The following PRKCE variants were observed in gnomAD, a reference collection of about 807,000 sequenced individuals.
PRKCE encodes protein kinase C epsilon.
In PRKCE, 16 loss-of-function variants were observed where a neutral mutation model predicts 85.4. That is an observed-to-expected ratio of 0.19 (90% confidence interval 0.13 to 0.28). PRKCE has a LOEUF of 0.28. Among genes scored for constraint, PRKCE ranks in the 10% least tolerant of loss-of-function variants. The pLI is 1.00. For synonymous variants in PRKCE, 388 were observed against 371.5 expected (o/e 1.04, Z -0.51); for missense variants, 573 against 975.2 (o/e 0.59, Z 5.49).
intron 2 of PRKCE, among the ~76,000 whole-genome samples, chr2:45,892,172 A>G (rs1372434457): frequency 6.6e-6 from 1 of 152,160 alleles, no homozygotes; most frequent in Non-Finnish European, 1.5e-5. Flanking sequence ...CTCTCTGCCC[A>G]ACAAAATCTG....
chr2:46,064,384 T>C (rs1395664069), intron 10 of PRKCE, among the ~76,000 whole-genome samples: 1 of 152,150 alleles, frequency 6.6e-6, no homozygotes, highest in Non-Finnish European at 1.5e-5. Context: ...CAAATGAAGT[T>C]CATATGAATT....
Position 46,074,172 on chromosome 2 carries a change from C to T in PRKCE, c.1438-12036C>T, listed in dbSNP as rs113140346. ...CTTATCTTTAAAACAGTCACAAGAA[C>T]TTTGCATATTCTTAGGAAAGAAAAG... On this transcript the variant is annotated intron_variant, in intron 10 of 14. Coordinates refer to ENST00000306156, the MANE Select transcript of PRKCE (RefSeq NM_005400.3). 8.7e-3 allele frequency among the ~76,000 whole-genome samples: 1,331 copies of T among 152,174 alleles called. 21 individuals are homozygous for T. Among genetic ancestry groups the T allele is most frequent in the African/African-American group, 0.031 (1,300 of 41,518 alleles).
chr2:45,952,334 A>G (rs1254640021), intron 2 of PRKCE, among the ~76,000 whole-genome samples: 1 of 152,222 alleles, frequency 6.6e-6, no homozygotes, highest in Non-Finnish European at 1.5e-5. Context: ...TGGGCCTCGC[A>G]AGCGTACATA....
intron 11 of PRKCE, among the ~76,000 whole-genome samples, chr2:46,087,736 C>A (rs919738297): frequency 3.9e-5 from 6 of 152,232 alleles, no homozygotes; most frequent in African/African-American, 1.2e-4. Context: ...TACCTACATG[C>A]CCTGGTCAGT....
intron 10 of PRKCE, among the ~76,000 whole-genome samples, chr2:46,048,573 G>T (rs1023867017): frequency 6.6e-6 from 1 of 152,172 alleles, no homozygotes; most frequent in Non-Finnish European, 1.5e-5. Context: ...CCCAGTGTCG[G>T]GGTCTGTCCA....
chr2:45,729,407 C>T (rs1362453434), intron 1 of PRKCE, among the ~76,000 whole-genome samples: 1 of 152,166 alleles, frequency 6.6e-6, no homozygotes, highest in Non-Finnish European at 1.5e-5. Context: ...TCCTAATACG[C>T]TTATGAGACA....
chr2:45,836,697 G>A (rs1231546509), intron 1 of PRKCE, among the ~76,000 whole-genome samples: 2 of 152,146 alleles, frequency 1.3e-5, no homozygotes, highest in Admixed American at 6.5e-5. Context: ...CCAGTCTTCT[G>A]TCCTGATGGT....
At chr2:45,831,533 G>GT (rs34375231) in intron 1 of PRKCE, among the ~76,000 whole-genome samples, 19,271 of 152,130 alleles carry the variant, frequency 0.13, 2,354 homozygotes, top group African/African-American at 0.31. Flanking sequence ...AGGTGTGTGA[G>GT]TTTTTTTGTA....
chr2:46,151,522 G>C (rs146443744), intron 13 of PRKCE, among the ~76,000 whole-genome samples: 95 of 152,338 alleles, frequency 6.2e-4, no homozygotes, highest in Non-Finnish European at 1.1e-3. Context: ...ATGAGGCACT[G>C]TGTACATCTG....
At chr2:45,700,188 C>T (rs77459247) in intron 1 of PRKCE, among the ~76,000 whole-genome samples, 3,529 of 146,380 alleles carry the variant, frequency 0.024, 126 homozygotes, top group African/African-American at 0.082. Context: ...GCCAGGGTCT[C>T]GGTGGAGAGG....
chr2:45,725,306 C>G (rs575913912), intron 1 of PRKCE, among the ~76,000 whole-genome samples: 6 of 152,282 alleles, frequency 3.9e-5, no homozygotes, highest in African/African-American at 1.2e-4. Context: ...TGTTACTGTT[C>G]ATTGACAGTG....
intron 10 of PRKCE, among the ~76,000 whole-genome samples, chr2:46,031,295 C>T (rs189729712): frequency 3.7e-4 from 56 of 152,244 alleles, no homozygotes; most frequent in African/African-American, 1.3e-3. Flanking sequence ...TCTCACTGCC[C>T]GCTTTCTGGA....
At chr2:45,979,715 G>A (rs764577570) in intron 4 of PRKCE, among the ~76,000 whole-genome samples, 2 of 152,118 alleles carry the variant, frequency 1.3e-5, no homozygotes, top group South Asian at 2.1e-4. Flanking sequence ...GGGGTAACAC[G>A]CACACAGTTA....
At position 45,747,575 on chromosome 2, in the gene PRKCE, T is replaced by C. The variant is rs956252476; in HGVS notation, c.348+95127T>C. Among the ~76,000 whole-genome samples the C allele has an allele frequency of 3.9e-5, 6 of 152,262 alleles. No homozygotes were observed. The East Asian group carries it at 9.6e-4, about 24-fold the overall frequency. On this transcript the variant is annotated intron_variant, in intron 1 of 14. Coordinates refer to ENST00000306156, the MANE Select transcript of PRKCE (RefSeq NM_005400.3). ...TTTAAGGCTGAGTAATATTCCATTG[T>C]ATGGACATACCACATGTGGTTTTTC...
chr2:45,880,788 C>T (rs1694822676), intron 2 of PRKCE, among the ~76,000 whole-genome samples: 1 of 152,176 alleles, frequency 6.6e-6, no homozygotes, highest in Admixed American at 6.5e-5. Context: ...AGAAACACTA[C>T]TTGTCACTTT....
intron 2 of PRKCE, among the ~76,000 whole-genome samples, chr2:45,879,699 G>T (rs1694742347): frequency 1.3e-5 from 2 of 152,244 alleles, no homozygotes; most frequent in Admixed American, 6.5e-5. Context: ...GGAGTTGAGA[G>T]CTGTGGGCTG....
intron 11 of PRKCE, among the ~76,000 whole-genome samples, chr2:46,111,859 T>A (rs1672286921): frequency 6.6e-6 from 1 of 152,184 alleles, no homozygotes; most frequent in African/African-American, 2.4e-5. Flanking sequence ...AAGTAGTGAC[T>A]CCATGTTTAA....
At chr2:45,717,568 G>T (rs992791403) in intron 1 of PRKCE, among the ~76,000 whole-genome samples, 2 of 152,198 alleles carry the variant, frequency 1.3e-5, no homozygotes, top group African/African-American at 2.4e-5. Flanking sequence ...TTCCTTCTAA[G>T]TTCTGTAATC....
At position 45,980,282 on chromosome 2, in the gene PRKCE, T is replaced by C; in HGVS notation, c.608-14T>C. On this transcript the variant is annotated splice_polypyrimidine_tract_variant and intron_variant, in intron 4 of 14. Coordinates refer to ENST00000306156, the MANE Select transcript of PRKCE (RefSeq NM_005400.3). Reference sequence around the variant, plus strand: ...CTGAGTGTCATTCAGCCTTCCTGTCTTTGCTATTTGCAGTCTGCACCTGCG... The same window carrying C: ...CTGAGTGTCATTCAGCCTTCCTGTCCTTGCTATTTGCAGTCTGCACCTGCG... 2 of 1,599,336 alleles carry C rather than the reference T, an allele frequency of 1.3e-6. No homozygotes were observed. The highest frequency in any genetic ancestry group is 1.7e-6 in the Non-Finnish European group (2 of 1,179,622).
Sources: allele counts gnomAD v4.1 joint callset (sites outside exome capture counted in the v4.1 genomes callset), GRCh38; gene constraint gnomAD v4.1.1; transcripts MANE v1.5; gene names NCBI Gene and HGNC (gene_info 2026-07-23, HGNC 2026-07-21).